The following MLANA variants were observed in gnomAD, a reference collection of about 807,000 sequenced individuals.
MLANA encodes the protein melanoma antigen recognized by T-cells 1.
Under a neutral mutation model 15.7 loss-of-function variants are expected in MLANA, and 21 were observed. That is an observed-to-expected ratio of 1.33 (90% confidence interval 0.95 to 1.92). MLANA has a LOEUF of 1.92. MLANA is among the 40% of genes most tolerant of loss of function. MLANA has a pLI of 0.00. For synonymous variants in MLANA, 56 were observed against 51.5 expected (o/e 1.09, Z -0.37); for missense variants, 164 against 143.8 (o/e 1.14, Z -0.72).
chr9:5,898,434 C>T (rs1412557385), intron 3 of MLANA, among the ~76,000 whole-genome samples: 1 of 152,104 alleles, frequency 6.6e-6, no homozygotes, highest in African/African-American at 2.4e-5. Flanking sequence ...AGGACAGAGC[C>T]CTTGTAACTT....
At chr9:5,891,285 C>T (rs1831642453) in intron 1 of MLANA, 1 of 152,174 alleles carries the variant, frequency 6.6e-6, no homozygotes, top group Admixed American at 6.5e-5. Context: ...CACCATTTGC[C>T]AAGGCTCTGA....
chr9:5,901,391 T>A (rs1251669749), intron 3 of MLANA, among the ~76,000 whole-genome samples: 1 of 152,236 alleles, frequency 6.6e-6, no homozygotes, highest in Non-Finnish European at 1.5e-5. Context: ...TTTCCCTTTA[T>A]CCCTCGTTTA....
intron 3 of MLANA, among the ~76,000 whole-genome samples, chr9:5,904,078 G>A (rs968764577): frequency 6.6e-6 from 1 of 151,860 alleles, no homozygotes; most frequent in Non-Finnish European, 1.5e-5. Context: ...GGCTGGTCTT[G>A]AACTCCTGAG....
intron 3 of MLANA, chr9:5,898,948 A>G (rs1832227490): frequency 6.6e-6 from 1 of 152,192 alleles, no homozygotes; most frequent in African/African-American, 2.4e-5. Context: ...TTACCCAAAT[A>G]TGCAGGAAGC....
chr9:5,897,459 C>A, intron 2 of MLANA, 98 bp from the exon 3 acceptor site: 3 of 1,097,918 alleles, frequency 2.7e-6, no homozygotes, highest in South Asian at 2.6e-5. Context: ...TGCTCTGGGT[C>A]GTCAAAGTCC....
intron 2 of MLANA, among the ~76,000 whole-genome samples, chr9:5,896,765 G>A (rs1217183974): frequency 1.3e-5 from 2 of 152,190 alleles, no homozygotes; most frequent in African/African-American, 4.8e-5. Flanking sequence ...TAACTGTAAT[G>A]CTTCCCAGGG....
In MLANA at chr9:5,898,646, T is replaced by C. The variant is rs573887964; in HGVS notation, c.174+993T>C. Among the ~76,000 whole-genome samples, 7 of 152,186 alleles carry C rather than the reference T, an allele frequency of 4.6e-5. No individual in the cohort carries two copies. In the East Asian group the frequency reaches 5.8e-4, roughly 13 times the overall value. Reference sequence around the variant, plus strand: ...GGGGAAGGGGTTTGAGGTTCCCTTATAGCAAACAGGAGTATATTAGACACC... The same window carrying C: ...GGGGAAGGGGTTTGAGGTTCCCTTACAGCAAACAGGAGTATATTAGACACC... On this transcript the variant is annotated intron_variant, in intron 3 of 4. Transcript: ENST00000381477.
intron 3 of MLANA, among the ~76,000 whole-genome samples, chr9:5,903,438 C>A (rs1399005268): frequency 1.3e-5 from 2 of 152,016 alleles, no homozygotes; most frequent in African/African-American, 4.8e-5. Flanking sequence ...TTTTTTGCAT[C>A]TATATTTATG....
At chr9:5,903,801 T>C (rs1465220799) in intron 3 of MLANA, among the ~76,000 whole-genome samples, 5 of 152,214 alleles carry the variant, frequency 3.3e-5, no homozygotes, top group African/African-American at 9.6e-5. Context: ...CTGAAACTAA[T>C]ATAGGAACTC....
chr9:5,898,443 T>C (rs1334402787), intron 3 of MLANA, among the ~76,000 whole-genome samples: 1 of 152,198 alleles, frequency 6.6e-6, no homozygotes, highest in Non-Finnish European at 1.5e-5. Context: ...CCCTTGTAAC[T>C]TAATCACCTC....
rs116366157 is a variant in MLANA at position 5,905,263 on chromosome 9, C to T, written c.175-1622C>T. Among the ~76,000 whole-genome samples the T allele has an allele frequency of 2.8e-3, 427 of 152,248 alleles. 2 individuals are homozygous for T. The highest frequency in any genetic ancestry group is 9.8e-3 in the African/African-American group (406 of 41,548). On this transcript the variant is annotated intron_variant, in intron 3 of 4. Transcript: ENST00000381477. ...TAAATCCTCCAAACAACTGAATGGA[C>T]CCCCTCTTCACCAAGGGGACCCCAG...
At chr9:5,893,268 A>G (rs2129887230) in intron 2 of MLANA, among the ~76,000 whole-genome samples, 1 of 152,256 alleles carries the variant, frequency 6.6e-6, no homozygotes, top group Non-Finnish European at 1.5e-5. Flanking sequence ...TGGGAGTGGG[A>G]AAGGGACATA....
chr9:5,900,682 G>C (rs1033635501), intron 3 of MLANA, among the ~76,000 whole-genome samples: 1 of 152,016 alleles, frequency 6.6e-6, no homozygotes, highest in Non-Finnish European at 1.5e-5. Context: ...TTGGAATTTA[G>C]ATCTCTTAAA....
At position 5,903,525 on chromosome 9, in the gene MLANA, T is replaced by C. The variant is rs553821900; in HGVS notation, c.175-3360T>C. 6.6e-4 allele frequency among the ~76,000 whole-genome samples: 100 copies of C among 152,340 alleles called. 1 individual carries two copies. The highest frequency in any genetic ancestry group is 2.3e-3 in the African/African-American group (97 of 41,590). On this transcript the variant is annotated intron_variant, in intron 3 of 4. Transcript: ENST00000381477. ...TTAGGGTAATGTTGGCCTCATACAA[T>C]GAGTTAGTCCTTACTGATTTTTTAC...
Position 5,908,713 on chromosome 9 carries a change from C to G in MLANA, c.*5C>G. On this transcript the variant is annotated 3_prime_UTR_variant, in exon 5 of 5. Coordinates refer to ENST00000381477, the MANE Select transcript of MLANA (RefSeq NM_005511.2). ...CCACCACCTTATTCACCTTAAGAGC[C>G]AGCGAGACACCTGAGACATGCTGAA... The G allele has an allele frequency of 6.2e-7, 1 of 1,612,298 alleles. No homozygotes were observed. Among genetic ancestry groups the G allele is most frequent in the Non-Finnish European group, 8.5e-7 (1 of 1,178,446 alleles).
chr9:5,901,148 G>GA (rs2129949826), intron 3 of MLANA, among the ~76,000 whole-genome samples: 1 of 151,704 alleles, frequency 6.6e-6, no homozygotes, highest in South Asian at 2.1e-4. Context: ...AAAAGAAAAA[G>GA]AAAAAAATGG....
Position 5,908,935 on chromosome 9 carries a change from T to C in MLANA, c.*227T>C. On this transcript the variant is annotated 3_prime_UTR_variant, in exon 5 of 5. Transcript: ENST00000381477. ...AAAACTCCATCAATAAATGTTGCAATGCATGATACTATCTGTGCCAGAGGT... is the reference window on the plus strand; with the variant it reads ...AAAACTCCATCAATAAATGTTGCAACGCATGATACTATCTGTGCCAGAGGT... 1.9e-6 allele frequency: 1 copy of C among 520,822 alleles called. No individual in the cohort carries two copies. The highest frequency in any genetic ancestry group is 3.3e-5 in the East Asian group (1 of 30,642). 32.3% of individuals were successfully genotyped at this position (520,822 alleles called of 1,614,324 possible). A position where few individuals can be genotyped will look rare whatever the true frequency, so the allele number is the denominator to read the frequency against.
rs1832968847 is a variant in MLANA, at chr9:5,908,651, T to C, written c.300T>C (p.Ala100=). 6.2e-7 allele frequency: 1 copy of C among 1,613,908 alleles called. No homozygotes were observed. Among genetic ancestry groups the C allele is most frequent in the Non-Finnish European group, 8.5e-7 (1 of 1,179,942 alleles). ...EKNCEPVVPN[A]PPAYEKLSAE... Reference sequence around the variant, plus strand: ...TCTTGTTCTCACAGGTTCCCAATGCTCCACCTGCTTATGAGAAACTCTCTG... The same window carrying C: ...TCTTGTTCTCACAGGTTCCCAATGCCCCACCTGCTTATGAGAAACTCTCTG... The change falls in exon 5 of 5, where the codon GCT becomes GCC. Residue 100 remains alanine, a synonymous_variant. Transcript: ENST00000381477.
At chr9:5,903,646 T>A (rs1832595085) in intron 3 of MLANA, among the ~76,000 whole-genome samples, 1 of 152,210 alleles carries the variant, frequency 6.6e-6, no homozygotes, top group Non-Finnish European at 1.5e-5. Context: ...CTTGCAGTTC[T>A]ATCAGTTTTT....
Sources: allele counts gnomAD v4.1 joint callset (sites outside exome capture counted in the v4.1 genomes callset), GRCh38; gene constraint gnomAD v4.1.1; transcripts MANE v1.5; gene names NCBI Gene and HGNC (gene_info 2026-07-23, HGNC 2026-07-21).